Variants in ASPG observed in about 807,000 individuals in gnomAD.
ASPG encodes the protein 60 kDa lysophospholipase.
A neutral mutation model predicts 63.2 loss-of-function variants in ASPG; 53 were observed. That is an observed-to-expected ratio of 0.84 (90% CI 0.67 to 1.05). ASPG has a LOEUF of 1.05. ASPG is among the 50% of genes least tolerant of loss of function. ASPG has a pLI of 0.00. For missense variants in ASPG, 741 were observed against 794.4 expected (o/e 0.93, Z 0.81); for synonymous variants, 370 against 355.0 (o/e 1.04, Z -0.48).
intron 6 of ASPG, among the ~76,000 whole-genome samples, chr14:104,099,596 G>A (rs1271144624): frequency 6.6e-6 from 1 of 152,218 alleles, no homozygotes; most frequent in Non-Finnish European, 1.5e-5. Context: ...CTCCGTCTGG[G>A]GTGTGCTCCT....
In ASPG at chr14:104,098,021, CTGCGT is replaced by C. The variant is rs1566830322; in HGVS notation, c.513+386_513+390del. Among the ~76,000 whole-genome samples, 105 of 78,206 alleles carry C rather than the reference CTGCGT, an allele frequency of 1.3e-3. 11 individuals are homozygous for C. The highest frequency in any genetic ancestry group is 2.9e-3 in the East Asian group (7 of 2,396). 51.3% of individuals were successfully genotyped at this position (78,206 alleles called of 152,430 possible). A position where few individuals can be genotyped will look rare whatever the true frequency, so the allele number is the denominator to read the frequency against. On this transcript the variant is annotated intron_variant, in intron 5 of 15. Transcript: ENST00000551177. Reference sequence around the variant, plus strand: ...TGCGTTAGAGATGCGTATGGAGGTTCTGCGTTAGAGATGCGTATGGAGGTTTTGCG... The same window carrying C: ...TGCGTTAGAGATGCGTATGGAGGTTCTAGAGATGCGTATGGAGGTTTTGCG...
In ASPG at chr14:104,111,763, G is replaced by A. The variant is rs570875088; in HGVS notation, c.1621-157G>A. The stretch of plus-strand genomic sequence containing the variant: ...CCCGCACAGACTGGGTCCCCTTCCC[G>A]GGGCTCTGAGTGGTGGGGGTGACGA... On this transcript the variant is annotated intron_variant, in intron 14 of 15. Transcript: ENST00000551177. The A allele has an allele frequency of 3.6e-4, 338 of 937,168 alleles. No individual in the cohort carries two copies. The highest frequency in any genetic ancestry group is 4.9e-4 in the Non-Finnish European group (309 of 625,290). The allele number at this position is 937,168 out of a possible 1,614,324, so 58.1% of individuals were successfully genotyped here. A position where few individuals can be genotyped will look rare whatever the true frequency, so the allele number is the denominator to read the frequency against.
chr14:104,111,391 G>C (rs1192372167), intron 13 of ASPG, 111 bp from the exon 14 acceptor site: 31 of 1,112,164 alleles, frequency 2.8e-5, no homozygotes, highest in Admixed American at 1.7e-4. Flanking sequence ...TGGGTCAGCT[G>C]TTTGGGGCTG....
At chr14:104,096,693 C>T (rs2036610461) in intron 4 of ASPG, among the ~76,000 whole-genome samples, 1 of 152,212 alleles carries the variant, frequency 6.6e-6, no homozygotes, top group Admixed American at 6.5e-5. Flanking sequence ...GTTGTCCTCA[C>T]TCTGATGTTG....
Position 104,089,240 on chromosome 14 carries a change from C to A in ASPG, c.82+3388C>A, listed in dbSNP as rs564977873. On this transcript the variant is annotated intron_variant, in intron 1 of 15. Coordinates refer to ENST00000551177, the MANE Select transcript of ASPG (RefSeq NM_001080464.3). ...AGAAATTGCCCCAGCTGACTGGGCG[C>A]GGTGGCTCACACCTGTAATCCCAGC... Among the ~76,000 whole-genome samples, 74 of 152,240 alleles carry A rather than the reference C, an allele frequency of 4.9e-4. 1 individual carries two copies. The Middle Eastern group carries it at 0.01, about 21-fold the overall frequency.
At chr14:104,111,765 G>T in intron 14 of ASPG, 155 bp from the exon 15 acceptor site, 1 of 940,482 alleles carries the variant, frequency 1.1e-6, no homozygotes, top group Non-Finnish European at 1.6e-6. Flanking sequence ...CCCTTCCCGG[G>T]GCTCTGAGTG....
intron 4 of ASPG, 130 bp downstream of exon 4, chr14:104,095,786 G>C: frequency 4.8e-6 from 6 of 1,258,310 alleles, no homozygotes; most frequent in Non-Finnish European, 6.6e-6. Context: ...GGTGGCTGCT[G>C]CAGGGCCCGT....
At position 104,103,525 on chromosome 14, in the gene ASPG, G is replaced by A. The variant is rs1356842906; in HGVS notation, c.641-38G>A. The A allele has an allele frequency of 2.6e-6, 4 of 1,522,236 alleles. No individual in the cohort carries two copies. The South Asian group carries it at 3.7e-5, about 14-fold the overall frequency. The allele number at this position is 1,522,236 out of a possible 1,614,324, so 94.3% of individuals were successfully genotyped here. On this transcript the variant is annotated intron_variant, in intron 6 of 15. Coordinates refer to ENST00000551177, the MANE Select transcript of ASPG (RefSeq NM_001080464.3). ...TGGGCTGGGGTCTCGGCTGGCAGGA[G>A]GCCTGAAGGCACCACACAGGCCCTT...
chr14:104,106,705 G>C (rs1421782326), intron 10 of ASPG, 94 bp from the exon 11 acceptor site: 1 of 1,135,654 alleles, frequency 8.8e-7, no homozygotes, highest in Non-Finnish European at 1.3e-6. Flanking sequence ...CCCTTGTGTG[G>C]GGGCTGGCAG....
chr14:104,105,801 C>T (rs896184908), intron 10 of ASPG, among the ~76,000 whole-genome samples: 3 of 152,152 alleles, frequency 2.0e-5, no homozygotes, highest in African/African-American at 7.2e-5. Flanking sequence ...CTCTGAGCAC[C>T]AGGGGTTCCA....
chr14:104,111,014 C>G, intron 13 of ASPG: 1 of 985,462 alleles, frequency 1.0e-6, no homozygotes, highest in South Asian at 4.7e-5. Context: ...CCTCTCTGAA[C>G]CACTGGGCTG....
Position 104,104,292 on chromosome 14 carries a change from A to C in ASPG, c.754-12A>C, listed in dbSNP as rs372132662. On this transcript the variant is annotated splice_polypyrimidine_tract_variant and intron_variant, in intron 7 of 15. Coordinates refer to ENST00000551177, the MANE Select transcript of ASPG (RefSeq NM_001080464.3). ...ACCCTCACCATCCAGCCCCCACCCC[A>C]CCGCCCCACAGGTTCGGGCCTTCTT... 3,103 of 1,605,584 alleles carry C rather than the reference A, an allele frequency of 1.9e-3. 50 individuals carry two copies. In the African/African-American group the frequency reaches 0.034, roughly 18 times the overall value.
At position 104,110,479 on chromosome 14, in the gene ASPG, A is replaced by G. The variant is rs12588414; in HGVS notation, c.1521-1023A>G. On this transcript the variant is annotated intron_variant, in intron 13 of 15. Transcript: ENST00000551177. This position sits in a 1 kb window ranked among gnomAD's most constrained non-coding sequence, Gnocchi z 4.7. ...AGGTCCTGTGGGAGCTGGGACCAGAACCCTGGTCCAGGACTCTGCTTGGAA... is the reference window on the plus strand; with the variant it reads ...AGGTCCTGTGGGAGCTGGGACCAGAGCCCTGGTCCAGGACTCTGCTTGGAA... 0.73 allele frequency: 718,446 copies of G among 984,986 alleles called. 267,981 individuals are homozygous for G. Among genetic ancestry groups the G allele is most frequent in the Non-Finnish European group, 0.76 (631,998 of 829,770 alleles). The allele number at this position is 984,986 out of a possible 1,614,324, so 61.0% of individuals were successfully genotyped here. A position where few individuals can be genotyped will look rare whatever the true frequency, so the allele number is the denominator to read the frequency against.
At position 104,113,018 on chromosome 14, in the gene ASPG, C is replaced by G; in HGVS notation, c.*474C>G. ...ATTCTGGAGCTTGAAGTCCCCTCCCCCAGGCAGCCCTCCAACCCCTGGATG... is the reference window on the plus strand; with the variant it reads ...ATTCTGGAGCTTGAAGTCCCCTCCCGCAGGCAGCCCTCCAACCCCTGGATG... On this transcript the variant is annotated 3_prime_UTR_variant, in exon 16 of 16. Transcript: ENST00000551177. 4.4e-6 allele frequency: 1 copy of G among 225,166 alleles called. No individual in the cohort carries two copies. Among genetic ancestry groups the G allele is most frequent in the South Asian group, 6.8e-5 (1 of 14,810 alleles). The allele number at this position is 225,166 out of a possible 1,614,324, so 13.9% of individuals were successfully genotyped here. A position where few individuals can be genotyped will look rare whatever the true frequency, so the allele number is the denominator to read the frequency against.
At chr14:104,098,482 C>T (rs1355267352) in intron 5 of ASPG, among the ~76,000 whole-genome samples, 7 of 152,202 alleles carry the variant, frequency 4.6e-5, no homozygotes, top group Non-Finnish European at 5.9e-5. Flanking sequence ...GGGCCTCCAG[C>T]AGCTGTGCTC....
intron 12 of ASPG, among the ~76,000 whole-genome samples, chr14:104,107,881 C>T (rs1482213060): frequency 6.6e-6 from 1 of 152,090 alleles, no homozygotes; most frequent in Non-Finnish European, 1.5e-5. Context: ...TCTTTATTGC[C>T]CCAGCCTGGG....
intron 6 of ASPG, 37 bp downstream of exon 6, chr14:104,099,016 G>C (rs745765780): frequency 3.9e-6 from 6 of 1,545,992 alleles, no homozygotes; most frequent in South Asian, 1.2e-5. Flanking sequence ...TGCCTGCCCA[G>C]TGCTGGTGCT....
At position 104,110,001 on chromosome 14, in the gene ASPG, C is replaced by T; in HGVS notation, c.1520+686C>T. 1 of 985,370 alleles carries T rather than the reference C, an allele frequency of 1.0e-6. No homozygotes were observed. Among genetic ancestry groups the T allele is most frequent in the Non-Finnish European group, 1.2e-6 (1 of 829,918 alleles). 61.0% of individuals were successfully genotyped at this position (985,370 alleles called of 1,614,324 possible). On this transcript the variant is annotated intron_variant, in intron 13 of 15. Coordinates refer to ENST00000551177, the MANE Select transcript of ASPG (RefSeq NM_001080464.3). The surrounding 1 kb of genome is among the most constrained non-coding windows in gnomAD (Gnocchi z 4.7). ...GGTGGGCCAGGGATGCAGGGATCCT[C>T]CTCTGTCCGCCACAGCCAGAATCGC...
At chr14:104,100,375 G>T (rs1358998536) in intron 6 of ASPG, among the ~76,000 whole-genome samples, 1 of 152,190 alleles carries the variant, frequency 6.6e-6, no homozygotes, top group African/African-American at 2.4e-5. Context: ...AGGCCTGTGT[G>T]TGGGAGTCCG....
Sources: gnomAD v4.1 joint callset for allele counts (sites outside exome capture counted in the v4.1 genomes callset) on GRCh38, gnomAD v4.1.1 for gene constraint, Gnocchi (gnomAD v3.1) non-coding constraint, MANE v1.5 for transcripts, NCBI Gene and HGNC (gene_info 2026-07-23, HGNC 2026-07-21) for gene names.